The following ASIC2 variants were observed in gnomAD, a reference collection of about 807,000 sequenced individuals.
The protein encoded by ASIC2 is acid-sensing ion channel 2.
In ASIC2, 25 loss-of-function variants were observed where a neutral mutation model predicts 57.3. The observed-to-expected ratio is 0.44, with a 90% CI of 0.32 to 0.61. The LOEUF is 0.61. Among genes scored for constraint, ASIC2 ranks in the 20% least tolerant of loss-of-function variants. The probability of loss-of-function intolerance (pLI) is 0.06; values close to 1 mark genes in which losing one functional copy is unlikely to be tolerated. For synonymous variants in ASIC2, 319 were observed against 307.5 expected (o/e 1.04, Z -0.39); for missense variants, 641 against 738.1 (o/e 0.87, Z 1.52).
chr17:33,921,546 G>A (rs569358898), intron 1 of ASIC2, among the ~76,000 whole-genome samples: 12 of 152,220 alleles, frequency 7.9e-5, no homozygotes, highest in East Asian at 1.9e-4. Context: ...CAAGTGAGGC[G>A]TCCTGGAGGG....
At chr17:33,630,391 T>A (rs768967365) in intron 1 of ASIC2, among the ~76,000 whole-genome samples, 5 of 152,160 alleles carry the variant, frequency 3.3e-5, no homozygotes, top group Non-Finnish European at 7.4e-5. Flanking sequence ...CACGAACCAG[T>A]CTGCACATGC....
intron 1 of ASIC2, among the ~76,000 whole-genome samples, chr17:33,148,785 A>G (rs1044368797): frequency 6.6e-6 from 1 of 152,214 alleles, no homozygotes; most frequent in Non-Finnish European, 1.5e-5. Context: ...AAGAAATAAA[A>G]AGTTGTTATA....
chr17:33,378,664 T>C (rs1909367602), intron 1 of ASIC2, among the ~76,000 whole-genome samples: 1 of 152,236 alleles, frequency 6.6e-6, no homozygotes, highest in African/African-American at 2.4e-5. Flanking sequence ...ATTTTAAAGA[T>C]GCCAGTGATT....
chr17:34,009,661 A>G (rs1597972133), intron 1 of ASIC2, among the ~76,000 whole-genome samples: 1 of 152,312 alleles, frequency 6.6e-6, no homozygotes, highest in Admixed American at 6.5e-5. Context: ...AGTAAGTACC[A>G]TTTATCCCAA....
chr17:33,577,324 G>A (rs1916655990), intron 1 of ASIC2, among the ~76,000 whole-genome samples: 1 of 152,128 alleles, frequency 6.6e-6, no homozygotes, highest in African/African-American at 2.4e-5. Flanking sequence ...TGCAGCTTCA[G>A]AAGAGACTGA....
chr17:33,195,407 T>C (rs1166785180), intron 1 of ASIC2, among the ~76,000 whole-genome samples: 1 of 152,168 alleles, frequency 6.6e-6, no homozygotes, highest in Non-Finnish European at 1.5e-5. Context: ...TATTAGAGGG[T>C]CATTGTCAGG....
intron 1 of ASIC2, among the ~76,000 whole-genome samples, chr17:33,124,192 T>C (rs1034461252): frequency 6.6e-5 from 10 of 152,224 alleles, no homozygotes; most frequent in African/African-American, 2.4e-4. Flanking sequence ...GAGAATGTCA[T>C]TGTCTGCTAG....
intron 1 of ASIC2, among the ~76,000 whole-genome samples, chr17:33,946,587 A>C (rs995709456): frequency 2.0e-5 from 3 of 152,228 alleles, no homozygotes; most frequent in Non-Finnish European, 2.9e-5. Flanking sequence ...GAAATGAACG[A>C]GACATGTTCA....
intron 1 of ASIC2, among the ~76,000 whole-genome samples, chr17:33,799,353 T>TTTCTTTCTTTCTTTCTTTCTTC (rs1912013724): frequency 8.0e-6 from 1 of 124,874 alleles, no homozygotes; most frequent in African/African-American, 3.3e-5. Flanking sequence ...CCTCTCTTTC[T>TTTCTTTCTTTCTTTCTTTCTTC]CTTTCTTTCT....
At chr17:33,711,799 G>A (rs890740198) in intron 1 of ASIC2, among the ~76,000 whole-genome samples, 1 of 152,086 alleles carries the variant, frequency 6.6e-6, no homozygotes, top group Non-Finnish European at 1.5e-5. Context: ...CTCCCACCAG[G>A]CCCCTTCCCT....
chr17:33,983,378 T>C (rs1021883683), intron 1 of ASIC2, among the ~76,000 whole-genome samples: 1 of 152,172 alleles, frequency 6.6e-6, no homozygotes, highest in African/African-American at 2.4e-5. Context: ...AATAAATCAA[T>C]GTGAGATGAA....
At chr17:33,822,056 C>A (rs898929708) in intron 1 of ASIC2, among the ~76,000 whole-genome samples, 1 of 152,172 alleles carries the variant, frequency 6.6e-6, no homozygotes, top group Non-Finnish European at 1.5e-5. Flanking sequence ...CTGACCAAGA[C>A]CCCCTTCACT....
At chr17:33,549,879 T>A (rs1915692160) in intron 1 of ASIC2, among the ~76,000 whole-genome samples, 1 of 152,182 alleles carries the variant, frequency 6.6e-6, no homozygotes, top group South Asian at 2.1e-4. Flanking sequence ...ATGGGCTTTA[T>A]CACCTCCCTG....
intron 1 of ASIC2, among the ~76,000 whole-genome samples, chr17:33,470,759 G>A (rs1021171359): frequency 6.6e-6 from 1 of 152,172 alleles, no homozygotes; most frequent in African/African-American, 2.4e-5. Flanking sequence ...CAATCACCTT[G>A]AAACTACCTG....
At position 33,292,259 on chromosome 17, in the gene ASIC2, G is replaced by C; in HGVS notation, c.-144C>G. 8 of 993,192 alleles carry C rather than the reference G, an allele frequency of 8.1e-6. No homozygotes were observed. The highest frequency in any genetic ancestry group is 9.6e-6 in the Non-Finnish European group (8 of 836,646). The allele number at this position is 993,192 out of a possible 1,614,324, so 61.5% of individuals were successfully genotyped here. A position where few individuals can be genotyped will look rare whatever the true frequency, so the allele number is the denominator to read the frequency against. ...AAGCGTGCGCCCGAAAGGAGCTCCG[G>C]TGGCGCGGCATGCCCGCCCGGCGCC... On this transcript the variant is annotated 5_prime_UTR_variant, in exon 1 of 10. Coordinates refer to ENST00000225823, the MANE Select transcript of ASIC2 (RefSeq NM_183377.2).
intron 1 of ASIC2, chr17:33,572,049 T>G (rs922221047): frequency 1.3e-5 from 2 of 152,256 alleles, no homozygotes; most frequent in African/African-American, 4.8e-5. Flanking sequence ...TGTTTCGACT[T>G]TGCCCCAGCC....
chr17:33,088,507 C>T (rs1430994449), intron 3 of ASIC2, among the ~76,000 whole-genome samples: 1 of 151,588 alleles, frequency 6.6e-6, no homozygotes, highest in Admixed American at 6.6e-5. Context: ...TGTATTAACG[C>T]AAGTGATGAA....
intron 1 of ASIC2, among the ~76,000 whole-genome samples, chr17:33,931,898 T>C (rs1294394462): frequency 6.6e-6 from 1 of 152,210 alleles, no homozygotes; most frequent in African/African-American, 2.4e-5. Flanking sequence ...AAGAAAGTAA[T>C]GTTGGCGCTG....
chr17:33,367,881 G>A (rs1031469157), intron 1 of ASIC2, among the ~76,000 whole-genome samples: 3 of 152,054 alleles, frequency 2.0e-5, no homozygotes, highest in African/African-American at 7.2e-5. Flanking sequence ...TTCTTTGTTC[G>A]AGCTTAGGTA....
Sources: allele counts gnomAD v4.1 joint callset (sites outside exome capture counted in the v4.1 genomes callset), GRCh38; gene constraint gnomAD v4.1.1; transcripts MANE v1.5; gene names NCBI Gene and HGNC (gene_info 2026-07-23, HGNC 2026-07-21).